Variants in GABRB1 observed in about 807,000 individuals in gnomAD.
GABRB1 encodes the protein gamma-aminobutyric acid type A receptor subunit beta1, also known as gamma-aminobutyric acid receptor subunit beta-1.
In GABRB1, 17 loss-of-function variants were observed where a neutral mutation model predicts 51.6. That is an observed-to-expected ratio of 0.33 (90% CI 0.23 to 0.49). The LOEUF is 0.49. Among genes scored for constraint, GABRB1 ranks in the 20% least tolerant of loss-of-function variants. The pLI, the probability that GABRB1 is intolerant of heterozygous loss-of-function variation, is 0.99. For synonymous variants in GABRB1, 247 were observed against 218.9 expected, an observed-to-expected ratio of 1.13 and a Z score of -1.14; for missense variants, 410 against 600.6, an observed-to-expected ratio of 0.68 and a Z score of 3.32.
rs1729203027 is a variant in GABRB1 at position 47,424,535 on chromosome 4, T to C, written c.1081-1139T>C. Among the ~76,000 whole-genome samples the C allele has an allele frequency of 2.0e-5, 3 of 152,316 alleles. No homozygotes were observed. In the South Asian group the frequency reaches 6.2e-4, roughly 32 times the overall value. On this transcript the variant is annotated intron_variant, in intron 8 of 8. Transcript: ENST00000295454. Reference sequence around the variant, plus strand: ...TTTGCCGCCTATGTTTTTCTCTATCTCTTCTTCACTAGGCTCTTTTGCCTC... The same window carrying C: ...TTTGCCGCCTATGTTTTTCTCTATCCCTTCTTCACTAGGCTCTTTTGCCTC...
At chr4:47,384,241 T>C (rs1202426425) in intron 5 of GABRB1, among the ~76,000 whole-genome samples, 8 of 152,046 alleles carry the variant, frequency 5.3e-5, no homozygotes, top group African/African-American at 1.7e-4. Flanking sequence ...CACACACACA[T>C]ACATTTTTAT....
chr4:47,110,169 T>C (rs574103559), intron 3 of GABRB1, among the ~76,000 whole-genome samples: 49 of 152,284 alleles, frequency 3.2e-4, no homozygotes, highest in African/African-American at 1.2e-3. Context: ...GTTGTGAATC[T>C]CTACTTAAAG....
intron 3 of GABRB1, among the ~76,000 whole-genome samples, chr4:47,093,242 C>T (rs77853667): frequency 0.016 from 2,453 of 152,240 alleles, 75 homozygotes; most frequent in African/African-American, 0.056. Flanking sequence ...ACCACTGAAA[C>T]GAATTCTATG....
chr4:47,092,627 CAG>C (rs1193317190), intron 3 of GABRB1, among the ~76,000 whole-genome samples: 1 of 147,124 alleles, frequency 6.8e-6, no homozygotes, highest in East Asian at 2.0e-4. Context: ...TTTTTTGAAA[CAG>C]AGTCTCACTC....
chr4:47,299,541 T>A (rs1724159246), intron 4 of GABRB1, among the ~76,000 whole-genome samples: 2 of 152,160 alleles, frequency 1.3e-5, no homozygotes. Context: ...CACAATGAGA[T>A]ACCATCTCAC....
chr4:47,250,019 T>G (rs1283128048), intron 4 of GABRB1, among the ~76,000 whole-genome samples: 2 of 152,184 alleles, frequency 1.3e-5, no homozygotes, highest in Non-Finnish European at 2.9e-5. Flanking sequence ...TTTTTGATTT[T>G]TAACTTGTAT....
In GABRB1 at chr4:47,222,914, T is replaced by C. The variant is rs574696395; in HGVS notation, c.461+61445T>C. On this transcript the variant is annotated intron_variant, in intron 4 of 8. Transcript: ENST00000295454. Reference sequence around the variant, plus strand: ...CTTATCTAAAAAATTCATTTCTCTCTTAGGTTTTGTATTATAATTGTTTCT... The same window carrying C: ...CTTATCTAAAAAATTCATTTCTCTCCTAGGTTTTGTATTATAATTGTTTCT... 2.6e-5 allele frequency among the ~76,000 whole-genome samples: 4 copies of C among 152,256 alleles called. No individual in the cohort carries two copies. The South Asian group carries it at 8.3e-4, about 32-fold the overall frequency.
chr4:47,200,550 G>A (rs17653095), intron 4 of GABRB1, among the ~76,000 whole-genome samples: 20,988 of 152,038 alleles, frequency 0.14, 1,901 homozygotes, highest in East Asian at 0.31. Context: ...AACTACTAAA[G>A]CCCCAAAACC....
intron 4 of GABRB1, among the ~76,000 whole-genome samples, chr4:47,284,307 G>C (rs751645548): frequency 1.3e-5 from 2 of 152,076 alleles, no homozygotes; most frequent in African/African-American, 4.8e-5. Flanking sequence ...AGCATGTAAA[G>C]ATGGCCCTAT....
chr4:47,148,982 T>C (rs1253760055), intron 3 of GABRB1, among the ~76,000 whole-genome samples: 2 of 151,982 alleles, frequency 1.3e-5, no homozygotes, highest in African/African-American at 2.4e-5. Context: ...GCTTGTTATA[T>C]GATACAGTGG....
rs11937046 is a variant in GABRB1, at chr4:47,198,622, T to C, written c.461+37153T>C. ...TGAGGATCATGAAAGGCAATTGTTG[T>C]TATATAGTGGCAGAAAACTTACCTG... On this transcript the variant is annotated intron_variant, in intron 4 of 8. Coordinates refer to ENST00000295454, the MANE Select transcript of GABRB1 (RefSeq NM_000812.4). Among the ~76,000 whole-genome samples the C allele has an allele frequency of 7.8e-3, 1,191 of 152,250 alleles. 13 individuals are homozygous for C. Among genetic ancestry groups the C allele is most frequent in the African/African-American group, 0.027 (1,124 of 41,538 alleles).
intron 4 of GABRB1, among the ~76,000 whole-genome samples, chr4:47,162,032 C>A (rs1248094576): frequency 6.6e-6 from 1 of 152,008 alleles, no homozygotes; most frequent in Non-Finnish European, 1.5e-5. Context: ...TTCATTTGCA[C>A]AGTAAAATAA....
intron 3 of GABRB1, among the ~76,000 whole-genome samples, chr4:47,068,067 T>C (rs1727162365): frequency 6.6e-6 from 1 of 152,248 alleles, no homozygotes; most frequent in South Asian, 2.1e-4. Context: ...CATTCCTTTT[T>C]ATGGCTGTAT....
chr4:47,071,906 G>A (rs1727352086), intron 3 of GABRB1, among the ~76,000 whole-genome samples: 1 of 151,868 alleles, frequency 6.6e-6, no homozygotes, highest in Non-Finnish European at 1.5e-5. Context: ...TTTTAATTGA[G>A]TGATGAGGGC....
chr4:47,113,214 C>T (rs910786401), intron 3 of GABRB1, among the ~76,000 whole-genome samples: 2 of 151,886 alleles, frequency 1.3e-5, no homozygotes, highest in African/African-American at 2.4e-5. Flanking sequence ...AGTGAAACCC[C>T]GTCTCTACTA....
intron 3 of GABRB1, among the ~76,000 whole-genome samples, chr4:47,054,037 A>G (rs1391047379): frequency 1.3e-5 from 2 of 152,078 alleles, no homozygotes; most frequent in Non-Finnish European, 2.9e-5. Context: ...AGCTGCCTAA[A>G]TGTAAAATTG....
chr4:47,008,853 CTTTTTTT>C (rs1491180948), intron 1 of GABRB1, among the ~76,000 whole-genome samples: 1 of 80,066 alleles, frequency 1.2e-5, no homozygotes, highest in African/African-American at 5.3e-5. Context: ...CAGATACTAC[CTTTTTTT>C]TTTTTTTTTT....
At chr4:47,164,433 A>T (rs183394635) in intron 4 of GABRB1, among the ~76,000 whole-genome samples, 1 of 152,192 alleles carries the variant, frequency 6.6e-6, no homozygotes, top group Admixed American at 6.6e-5. Context: ...ACATATTGGC[A>T]TATTTATAGC....
chr4:47,334,107 TTC>T (rs1440829686), intron 5 of GABRB1, among the ~76,000 whole-genome samples: 4 of 152,278 alleles, frequency 2.6e-5, no homozygotes, highest in Non-Finnish European at 2.9e-5. Context: ...TAAAATCAGA[TTC>T]TGAGTTAGTG....
Sources: allele counts gnomAD v4.1 joint callset (sites outside exome capture counted in the v4.1 genomes callset), GRCh38; gene constraint gnomAD v4.1.1; transcripts MANE v1.5; gene names NCBI Gene and HGNC (gene_info 2026-07-23, HGNC 2026-07-21).